Variants in P4HB observed in about 807,000 individuals in gnomAD.
P4HB encodes prolyl 4-hydroxylase subunit beta, also known as protein disulfide-isomerase.
In P4HB, 20 loss-of-function variants were observed where a neutral mutation model predicts 52.6. The observed-to-expected ratio is 0.38, with a 90% CI of 0.27 to 0.55. The LOEUF (loss-of-function observed/expected upper bound fraction) is 0.55, where lower values mean the gene tolerates loss of function less well. Among genes scored for constraint, P4HB ranks in the 20% least tolerant of loss-of-function variants. The pLI, the probability that P4HB is intolerant of heterozygous loss-of-function variation, is 0.74. For synonymous variants in P4HB, 296 were observed against 277.9 expected (o/e 1.07, Z -0.65); for missense variants, 601 against 669.2 (o/e 0.90, Z 1.12).
Position 81,845,910 on chromosome 17 carries a change from C to A in P4HB, c.1138G>T (p.Val380Leu). 2.5e-6 allele frequency: 4 copies of A among 1,613,788 alleles called. No homozygotes were observed. Among genetic ancestry groups the A allele is most frequent in the Non-Finnish European group, 3.4e-6 (4 of 1,179,946 alleles). ...ACGTTTTTTTTCTCATCAAAAGCCACGTCTTCAAAGTTCTTCCCAACAAGC... is the reference window on the plus strand; with the variant it reads ...ACGTTTTTTTTCTCATCAAAAGCCAAGTCTTCAAAGTTCTTCCCAACAAGC... ...KVLVGKNFED[V>L]AFDEKKNVFV... Residue 380 changes from valine to leucine, a missense_variant, in exon 8 of 11, where the codon GTG (valine) becomes TTG (leucine). Val to Leu is a conservative substitution (Grantham distance 32, BLOSUM62 1). Coordinates refer to ENST00000331483, the MANE Select transcript of P4HB (RefSeq NM_000918.4).
Position 81,847,267 on chromosome 17 carries a change from G to C in P4HB, c.705C>G (p.Pro235=). The C allele has an allele frequency of 1.9e-6, 3 of 1,614,142 alleles. No individual in the cohort carries two copies. Among genetic ancestry groups the C allele is most frequent in the Non-Finnish European group, 2.5e-6 (3 of 1,180,022 alleles). ...CCTGCTCGGTGAACTCGATGACAAG[G>C]GGCAGCTGGTTGTGTTTGATAAAGT... ...LLDFIKHNQL[P]LVIEFTEQTA... Residue 235 remains proline (P), a synonymous_variant, in exon 5 of 11, where the codon CCC becomes CCG. Coordinates refer to ENST00000331483, the MANE Select transcript of P4HB (RefSeq NM_000918.4).
intron 4 of P4HB, among the ~76,000 whole-genome samples, chr17:81,850,254 TCC>T (rs1268004740): frequency 1.3e-5 from 2 of 151,942 alleles, no homozygotes; most frequent in Admixed American, 6.6e-5. Flanking sequence ...TGCCTCTGCC[TCC>T]CAAGTAGCTG....
chr17:81,845,376 G>A (rs1288323814), intron 9 of P4HB, 146 bp from the exon 10 acceptor site: 1 of 863,746 alleles, frequency 1.2e-6, no homozygotes, highest in Non-Finnish European at 1.8e-6. Flanking sequence ...TTCAAAAACA[G>A]CCTAGGCAAT....
In P4HB at chr17:81,855,540, C is replaced by T. The variant is rs370423809; in HGVS notation, c.399G>A (p.Thr133=). 34 of 1,613,960 alleles carry T rather than the reference C, an allele frequency of 2.1e-5. No individual in the cohort carries two copies. The African/African-American group carries it at 3.9e-4, about 18-fold the overall frequency. The part of the protein sequence containing the change: ...DDIVNWLKKR[T]GPAATTLPDG... ...CAGGCAGGGTGGTGGCAGCCGGGCCCGTGCGCTTCTTCAGCCAGTTCACGA... is the reference window on the plus strand; with the variant it reads ...CAGGCAGGGTGGTGGCAGCCGGGCCTGTGCGCTTCTTCAGCCAGTTCACGA... The change falls in exon 3 of 11, where the codon ACG becomes ACA. Residue 133 remains threonine, a synonymous_variant. Transcript: ENST00000331483. The surrounding 1 kb of genome is among the most constrained non-coding windows in gnomAD (Gnocchi z 4.3).
chr17:81,845,729 A>G lies in P4HB; in HGVS notation c.1191T>C (p.Cys397=). The change falls in exon 9 of 11, where the codon TGT becomes TGC. Residue 397 remains cysteine (C), a synonymous_variant. Coordinates refer to ENST00000331483, the MANE Select transcript of P4HB (RefSeq NM_000918.4). ...TGGGAGCCAACTGTTTGCAGTGACCACACCATGGGGCATCTGAAAAGAAAG... is the reference window on the plus strand; with the variant it reads ...TGGGAGCCAACTGTTTGCAGTGACCGCACCATGGGGCATCTGAAAAGAAAG... ...NVFVEFYAPW[C]GHCKQLAPIW... is the part of the protein sequence containing the mutation. 6.2e-7 allele frequency: 1 copy of G among 1,613,298 alleles called. No individual in the cohort carries two copies. The highest frequency in any genetic ancestry group is 8.5e-7 in the Non-Finnish European group (1 of 1,179,402).
intron 4 of P4HB, among the ~76,000 whole-genome samples, chr17:81,848,177 G>C (rs1451748976): frequency 6.6e-6 from 1 of 152,126 alleles, no homozygotes; most frequent in African/African-American, 2.4e-5. Flanking sequence ...TGGGATTATA[G>C]GCGTGAGCCA....
rs201235381 is a variant in P4HB at position 81,845,887 on chromosome 17, G to A, written c.1161C>T (p.Asn387=). Residue 387 remains asparagine (N), a synonymous_variant, in exon 8 of 11, where the codon AAC becomes AAT. Transcript: ENST00000331483. ...AACACTTACAGAACTCCACAAAGAC[G>A]TTTTTTTTCTCATCAAAAGCCACGT... ...FEDVAFDEKK[N]VFVEFYAPWC... is the part of the protein sequence containing the mutation. The A allele has an allele frequency of 3.3e-5, 54 of 1,613,730 alleles. No individual in the cohort carries two copies. The highest frequency in any genetic ancestry group is 2.1e-4 in the South Asian group (19 of 91,066).
chr17:81,855,882 T>C lies in P4HB; in HGVS notation c.353-296A>G, dbSNP rs1284000775. ...TCTGATCTCTCTGCATTTTCTTTTTTCTTTTGACACAGGGGCTCACTCTGT... is the reference window on the plus strand; with the variant it reads ...TCTGATCTCTCTGCATTTTCTTTTTCCTTTTGACACAGGGGCTCACTCTGT... On this transcript the variant is annotated intron_variant, in intron 2 of 10. Transcript: ENST00000331483. This position sits in a 1 kb window ranked among gnomAD's most constrained non-coding sequence, Gnocchi z 4.3. 3.0e-6 allele frequency: 1 copy of C among 333,582 alleles called. No homozygotes were observed. The highest frequency in any genetic ancestry group is 2.1e-5 in the African/African-American group (1 of 46,630). The allele number at this position is 333,582 out of a possible 1,614,324, so 20.7% of individuals were successfully genotyped here.
chr17:81,847,631 C>T (rs2143323816), intron 4 of P4HB: 2 of 490,456 alleles, frequency 4.1e-6, no homozygotes, highest in South Asian at 4.7e-5. Context: ...TGTGGCCCAT[C>T]CCCAGGGCCC....
intron 4 of P4HB, among the ~76,000 whole-genome samples, chr17:81,852,444 A>T (rs2038846673): frequency 6.6e-6 from 1 of 152,228 alleles, no homozygotes; most frequent in Non-Finnish European, 1.5e-5. Flanking sequence ...AGCCTGGTGG[A>T]AAAGGAACAA....
In P4HB at chr17:81,846,376, CA is replaced by C. The variant is rs1338382964; in HGVS notation, c.1056+52del. On this transcript the variant is annotated intron_variant, in intron 7 of 10. Coordinates refer to ENST00000331483, the MANE Select transcript of P4HB (RefSeq NM_000918.4). This position sits in a 1 kb window ranked among gnomAD's most constrained non-coding sequence, Gnocchi z 5.7. The stretch of plus-strand genomic sequence containing the variant: ...CAGGACACTGAGAGCCCAGAGACCC[CA>C]AGGTGGCGGCTCTACCCGGGAGGCA... 6.5e-7 allele frequency: 1 copy of C among 1,539,378 alleles called. No individual in the cohort carries two copies. Among genetic ancestry groups the C allele is most frequent in the African/African-American group, 1.4e-5 (1 of 73,446 alleles).
At position 81,843,267 on chromosome 17, in the gene P4HB, C is replaced by T. The variant is rs2038680648; in HGVS notation, c.*745G>A. ...GATTCAGCTCCAGCATCCTTGGCCA[C>T]CTCCCCACCCGGGAGTCAAGGGTCG... is the stretch of plus-strand genomic sequence containing the variant. On this transcript the variant is annotated 3_prime_UTR_variant, in exon 11 of 11. Transcript: ENST00000331483. 1 of 388,164 alleles carries T rather than the reference C, an allele frequency of 2.6e-6. No homozygotes were observed. Among genetic ancestry groups the T allele is most frequent in the Non-Finnish European group, 4.5e-6 (1 of 219,966 alleles). 24.0% of individuals were successfully genotyped at this position (388,164 alleles called of 1,614,324 possible).
intron 4 of P4HB, among the ~76,000 whole-genome samples, chr17:81,849,364 C>T (rs1171998873): frequency 6.6e-6 from 1 of 151,644 alleles, no homozygotes; most frequent in African/African-American, 2.4e-5. Flanking sequence ...GGCGTGGTGG[C>T]GGGTGCCTGT....
intron 4 of P4HB, among the ~76,000 whole-genome samples, chr17:81,854,794 A>T (rs758711464): frequency 2.6e-5 from 4 of 151,550 alleles, no homozygotes; most frequent in Admixed American, 2.6e-4. Flanking sequence ...GTGAGCCGAG[A>T]TCACGCAACT....
chr17:81,844,042 A>G lies in P4HB; in HGVS notation c.1497T>C (p.Asp499=), dbSNP rs201831951. 1.9e-4 allele frequency: 307 copies of G among 1,613,870 alleles called. 2 individuals carry two copies. In the East Asian group the frequency reaches 5.3e-3, roughly 28 times the overall value. The part of the protein sequence containing the change: ...EAEEPDMEED[D]DQKAVKDEL The stretch of plus-strand genomic sequence containing the variant: ...GTTCATCTTTCACAGCTTTCTGATC[A>G]TCGTCTTCCTCCATGTCTGGCTCCT... The change falls in exon 11 of 11, where the codon GAT becomes GAC. Residue 499 remains aspartate, a synonymous_variant. Coordinates refer to ENST00000331483, the MANE Select transcript of P4HB (RefSeq NM_000918.4).
At position 81,846,845 on chromosome 17, in the gene P4HB, A is replaced by G. The variant is rs2070872; in HGVS notation, c.855+102T>C. On this transcript the variant is annotated intron_variant, in intron 6 of 10. Coordinates refer to ENST00000331483, the MANE Select transcript of P4HB (RefSeq NM_000918.4). This position sits in a 1 kb window ranked among gnomAD's most constrained non-coding sequence, Gnocchi z 5.7. Reference sequence around the variant, plus strand: ...CTGTCCTGAATCAGGTGCCCGATCCAGTCCAGCAGGCAGCCTCAGGAAGGC... The same window carrying G: ...CTGTCCTGAATCAGGTGCCCGATCCGGTCCAGCAGGCAGCCTCAGGAAGGC... 303,985 of 1,449,520 alleles carry G rather than the reference A, an allele frequency of 0.21. 34,821 individuals carry two copies. The highest frequency in any genetic ancestry group is 0.39 in the African/African-American group (28,255 of 71,720). The allele number at this position is 1,449,520 out of a possible 1,614,324, so 89.8% of individuals were successfully genotyped here. A position where few individuals can be genotyped will look rare whatever the true frequency, so the allele number is the denominator to read the frequency against.
In P4HB at chr17:81,860,489, C is replaced by G; in HGVS notation, c.-18G>C. ...CGCAGCATGTCGGACACGGATCAGG[C>G]GGGGCGCTTCGGTTGGCGCCGCCGG... On this transcript the variant is annotated 5_prime_UTR_variant, in exon 1 of 11. Coordinates refer to ENST00000331483, the MANE Select transcript of P4HB (RefSeq NM_000918.4). 1 of 1,253,988 alleles carries G rather than the reference C, an allele frequency of 8.0e-7. No individual in the cohort carries two copies. Among genetic ancestry groups the G allele is most frequent in the Non-Finnish European group, 1.0e-6 (1 of 997,058 alleles). The allele number at this position is 1,253,988 out of a possible 1,614,324, so 77.7% of individuals were successfully genotyped here.
At chr17:81,852,724 C>G (rs902630021) in intron 4 of P4HB, among the ~76,000 whole-genome samples, 1 of 152,194 alleles carries the variant, frequency 6.6e-6, no homozygotes, top group Non-Finnish European at 1.5e-5. Context: ...TGGATGGCCA[C>G]GTGTGAGCCT....
intron 4 of P4HB, among the ~76,000 whole-genome samples, chr17:81,848,667 C>T (rs534260922): frequency 3.1e-5 from 4 of 128,852 alleles, no homozygotes; most frequent in East Asian, 5.3e-4. Context: ...ACCCGGGAGG[C>T]GGAGGTTGCG....
Sources: gnomAD v4.1 joint callset for allele counts (sites outside exome capture counted in the v4.1 genomes callset) on GRCh38, gnomAD v4.1.1 for gene constraint, Gnocchi (gnomAD v3.1) non-coding constraint, MANE v1.5 for transcripts, NCBI Gene and HGNC (gene_info 2026-07-23, HGNC 2026-07-21) for gene names.